The following OR51A7 variants were observed in gnomAD, a reference collection of about 807,000 sequenced individuals.
OR51A7 encodes the protein olfactory receptor 51A7.
For synonymous variants in OR51A7, 143 were observed against 135.5 expected (o/e 1.05, Z -0.38); for missense variants, 409 against 374.5 (o/e 1.09, Z -0.76).
intron 1 of OR51A7, among the ~76,000 whole-genome samples, chr11:4,904,207 G>A (rs1185629352): frequency 6.6e-6 from 1 of 152,020 alleles, no homozygotes; most frequent in Non-Finnish European, 1.5e-5. Context: ...TAACTCTGAG[G>A]TAGATACCAT....
intron 1 of OR51A7, among the ~76,000 whole-genome samples, chr11:4,906,198 C>T (rs183319738): frequency 4.5e-4 from 69 of 152,226 alleles, no homozygotes; most frequent in Middle Eastern, 3.4e-3. Context: ...AATAAGAATA[C>T]GTAACTCCAA....
At chr11:4,905,634 G>A (rs951767179) in intron 1 of OR51A7, among the ~76,000 whole-genome samples, 7 of 151,718 alleles carry the variant, frequency 4.6e-5, no homozygotes, top group African/African-American at 1.7e-4. Context: ...TTCATCTTTT[G>A]TATTTTTGTT....
chr11:4,907,653 A>C lies in OR51A7; in HGVS notation c.284A>C (p.Asn95Thr), dbSNP rs1395100506. 6.2e-7 allele frequency: 1 copy of C among 1,613,986 alleles called. No homozygotes were observed. The highest frequency in any genetic ancestry group is 1.7e-5 in the Admixed American group (1 of 60,010). The change falls in exon 2 of 2, where the codon AAT becomes ACT. Residue 95 changes from asparagine (N) to threonine (T), a missense_variant. By Grantham distance (65) the Asn-to-Thr change is moderately conservative. Transcript: ENST00000641490. The stretch of plus-strand genomic sequence containing the variant: ...TTCAATGCCATGGGAATTTCACCTA[A>C]TGCCTGCTTTGCTCAAGAATTCTTC... ...FLFNAMGISPNACFAQEFFIH... is the reference protein window; with the variant it reads ...FLFNAMGISPTACFAQEFFIH...
At chr11:4,904,372 T>G (rs1850850847) in intron 1 of OR51A7, among the ~76,000 whole-genome samples, 1 of 152,092 alleles carries the variant, frequency 6.6e-6, no homozygotes, top group Non-Finnish European at 1.5e-5. Flanking sequence ...CTAAGTGGTA[T>G]GGGAAATATT....
Position 4,907,996 on chromosome 11 carries a change from C to G in OR51A7, c.627C>G (p.Asp209Glu). Residue 209 changes from aspartate (D) to glutamate (E), a missense_variant, in exon 2 of 2, where the codon GAC becomes GAG. Transcript: ENST00000641490. Reference sequence around the variant, plus strand: ...TCATTGCTCTCTGTACTATGCTGGACTTGGCACTGATTGTTTTGTCTTATG... The same window carrying G: ...TCATTGCTCTCTGTACTATGCTGGAGTTGGCACTGATTGTTTTGTCTTATG... ...GFFIALCTML[D>E]LALIVLSYVL... 6.2e-7 allele frequency: 1 copy of G among 1,614,188 alleles called. No homozygotes were observed. The highest frequency in any genetic ancestry group is 8.5e-7 in the Non-Finnish European group (1 of 1,180,018).
intron 1 of OR51A7, among the ~76,000 whole-genome samples, chr11:4,904,933 C>T (rs547960221): frequency 1.3e-5 from 2 of 152,120 alleles, no homozygotes; most frequent in South Asian, 2.1e-4. Flanking sequence ...AGTCAATGTG[C>T]ATGGTAGTAA....
intron 1 of OR51A7, among the ~76,000 whole-genome samples, chr11:4,905,511 C>T (rs1351383901): frequency 6.6e-6 from 1 of 152,088 alleles, no homozygotes; most frequent in African/African-American, 2.4e-5. Context: ...TCCAGTGTCT[C>T]CTGTGTTTTC....
At position 4,908,168 on chromosome 11, in the gene OR51A7, A is replaced by C. The variant is rs915326673; in HGVS notation, c.799A>C (p.Lys267Gln). ...LAAMHHFAKH[K>Q]SPLVVILIAD... ...TGCCATGCATCACTTTGCCAAGCAC[A>C]AAAGCCCTCTTGTTGTGATCCTTAT... The change falls in exon 2 of 2, where the codon AAA (lysine) becomes CAA (glutamine). Residue 267 changes from lysine to glutamine, a missense_variant. Physicochemically the swap from Lys to Gln is moderately conservative, Grantham distance 53 (BLOSUM62 1). Transcript: ENST00000641490. The C allele has an allele frequency of 3.7e-6, 6 of 1,614,092 alleles. No homozygotes were observed. Among genetic ancestry groups the C allele is most frequent in the Non-Finnish European group, 5.1e-6 (6 of 1,180,032 alleles).
At chr11:4,907,274 C>T (rs550863286) in intron 1 of OR51A7, 65 bp from the exon 2 acceptor site, 8 of 745,592 alleles carry the variant, frequency 1.1e-5, no homozygotes, top group Non-Finnish European at 1.3e-5. Context: ...ACGAATGAAC[C>T]CCTTATCCTC....
chr11:4,909,287 G>T lies in OR51A7; in HGVS notation c.*979G>T, dbSNP rs1300354099. 1 of 152,030 alleles carries T rather than the reference G, an allele frequency of 6.6e-6. No homozygotes were observed. Among genetic ancestry groups the T allele is most frequent in the African/African-American group, 2.4e-5 (1 of 41,406 alleles). 9.4% of individuals were successfully genotyped at this position (152,030 alleles called of 1,614,324 possible). On this transcript the variant is annotated 3_prime_UTR_variant, in exon 2 of 2. Coordinates refer to ENST00000641490, the MANE Select transcript of OR51A7 (RefSeq NM_001004749.2). ...GAAATACATGATGGAAAAATCAAAA[G>T]AGTATACAGTTGAAAATACAATTTG...
Position 4,909,306 on chromosome 11 carries a change from C to A in OR51A7, c.*998C>A, listed in dbSNP as rs1420457911. 6.6e-6 allele frequency: 1 copy of A among 151,876 alleles called. No individual in the cohort carries two copies. The highest frequency in any genetic ancestry group is 2.4e-5 in the African/African-American group (1 of 41,350). 9.4% of individuals were successfully genotyped at this position (151,876 alleles called of 1,614,324 possible). A position where few individuals can be genotyped will look rare whatever the true frequency, so the allele number is the denominator to read the frequency against. Reference sequence around the variant, plus strand: ...TCAAAAGAGTATACAGTTGAAAATACAATTTGAAGGGGGGCAAACAAGATT... The same window carrying A: ...TCAAAAGAGTATACAGTTGAAAATAAAATTTGAAGGGGGGCAAACAAGATT... On this transcript the variant is annotated 3_prime_UTR_variant, in exon 2 of 2. Transcript: ENST00000641490.
Position 4,908,283 on chromosome 11 carries a change from A to G in OR51A7, c.914A>G (p.Lys305Arg), listed in dbSNP as rs1850937257. The G allele has an allele frequency of 1.9e-6, 3 of 1,614,018 alleles. No individual in the cohort carries two copies. Among genetic ancestry groups the G allele is most frequent in the Non-Finnish European group, 2.5e-6 (3 of 1,180,010 alleles). ...CAAATCTGGGAGAAGATCTTGGGGA[A>G]GTTGCTTAATGTATGTGGGAGATAA... ...TRQIWEKILG[K>R]LLNVCGR Residue 305 changes from lysine to arginine, a missense_variant, in exon 2 of 2, where the codon AAG becomes AGG. Physicochemically the swap from Lys to Arg is conservative, Grantham distance 26. Transcript: ENST00000641490.
At chr11:4,905,595 C>T (rs1211008395) in intron 1 of OR51A7, among the ~76,000 whole-genome samples, 1 of 152,082 alleles carries the variant, frequency 6.6e-6, no homozygotes, top group Admixed American at 6.6e-5. Context: ...AGCTTGTCTT[C>T]TTCTCTCTAG....
chr11:4,908,625 A>G lies in OR51A7; in HGVS notation c.*317A>G. The G allele has an allele frequency of 2.6e-6, 1 of 389,690 alleles. No homozygotes were observed. Among genetic ancestry groups the G allele is most frequent in the South Asian group, 2.4e-5 (1 of 41,170 alleles). The allele number at this position is 389,690 out of a possible 1,614,324, so 24.1% of individuals were successfully genotyped here. A position where few individuals can be genotyped will look rare whatever the true frequency, so the allele number is the denominator to read the frequency against. The stretch of plus-strand genomic sequence containing the variant: ...GGCAGATTGAGATTACCATTCAGTT[A>G]GTATCTATTAAAAATACAGATGATA... On this transcript the variant is annotated 3_prime_UTR_variant, in exon 2 of 2. Coordinates refer to ENST00000641490, the MANE Select transcript of OR51A7 (RefSeq NM_001004749.2).
At position 4,907,544 on chromosome 11, in the gene OR51A7, A is replaced by G. The variant is rs867275246; in HGVS notation, c.175A>G (p.Met59Val). Residue 59 changes from methionine to valine, a missense_variant, in exon 2 of 2, where the codon ATG becomes GTG. Coordinates refer to ENST00000641490, the MANE Select transcript of OR51A7 (RefSeq NM_001004749.2). Reference sequence around the variant, plus strand: ...GACAGAGCCCTCGCTTCATGAGCCCATGTATTATTTCCTTGCCATGTTGGC... The same window carrying G: ...GACAGAGCCCTCGCTTCATGAGCCCGTGTATTATTTCCTTGCCATGTTGGC... ...IKTEPSLHEP[M>V]YYFLAMLAVS... 3.1e-6 allele frequency: 5 copies of G among 1,613,902 alleles called. No homozygotes were observed. The African/African-American group carries it at 6.7e-5, about 22-fold the overall frequency.
chr11:4,908,297 T>A lies in OR51A7; in HGVS notation c.928T>A (p.Cys310Ser). The change falls in exon 2 of 2, where the codon TGT becomes AGT. Residue 310 changes from cysteine to serine, a missense_variant. Transcript: ENST00000641490. Reference sequence around the variant, plus strand: ...GATCTTGGGGAAGTTGCTTAATGTATGTGGGAGATAAGAACTTGAACAATT... The same window carrying A: ...GATCTTGGGGAAGTTGCTTAATGTAAGTGGGAGATAAGAACTTGAACAATT... ...EKILGKLLNV[C>S]GR The A allele has an allele frequency of 6.2e-7, 1 of 1,613,764 alleles. No homozygotes were observed. The highest frequency in any genetic ancestry group is 8.5e-7 in the Non-Finnish European group (1 of 1,179,724).
chr11:4,904,889 A>G (rs1347797395), intron 1 of OR51A7, among the ~76,000 whole-genome samples: 1 of 152,140 alleles, frequency 6.6e-6, no homozygotes, highest in Non-Finnish European at 1.5e-5. Context: ...ACATGGGGAT[A>G]AATAAAACCT....
rs1564804846 is a variant in OR51A7, at chr11:4,908,115, CCTT to C, written c.749_751del (p.Phe250del). 1 of 1,614,198 alleles carries C rather than the reference CCTT, an allele frequency of 6.2e-7. No individual in the cohort carries two copies. Among genetic ancestry groups the C allele is most frequent in the African/African-American group, 1.3e-5 (1 of 75,050 alleles). Reference sequence around the variant, plus strand: ...GTCTCCCACATCTGTGCTGTGCTCACCTTCTATGTGCCCATCATCACCCTGGCT... The same window carrying C: ...GTCTCCCACATCTGTGCTGTGCTCACCTATGTGCCCATCATCACCCTGGCT... On this transcript the variant is annotated inframe_deletion, in exon 2 of 2. Coordinates refer to ENST00000641490, the MANE Select transcript of OR51A7 (RefSeq NM_001004749.2).
Position 4,907,390 on chromosome 11 carries a change from C to T in OR51A7, c.21C>T (p.Ser7=), listed in dbSNP as rs773126702. MSVLNN[S]EVKLFLLIGI... The stretch of plus-strand genomic sequence containing the variant: ...TCATTATGTCTGTTCTCAATAACTC[C>T]GAAGTCAAGCTTTTCCTTCTGATTG... Residue 7 remains serine, a synonymous_variant, in exon 2 of 2, where the codon TCC becomes TCT. Transcript: ENST00000641490. 2.5e-5 allele frequency: 40 copies of T among 1,612,766 alleles called. No homozygotes were observed. The highest frequency in any genetic ancestry group is 2.7e-5 in the Non-Finnish European group (32 of 1,179,246).
Sources: gnomAD v4.1 joint callset for allele counts (sites outside exome capture counted in the v4.1 genomes callset) on GRCh38, gnomAD v4.1.1 for gene constraint, MANE v1.5 for transcripts, NCBI Gene and HGNC (gene_info 2026-07-23, HGNC 2026-07-21) for gene names.